Variants in NAV3 observed in about 807,000 individuals in gnomAD.
NAV3 encodes pore membrane and/or filament interacting like protein 1.
NAV3 carries 87 observed loss-of-function variants against 244.7 expected under a neutral mutation model. The ratio of observed to expected loss-of-function variants is 0.36; its 90% CI spans 0.30 to 0.42. The LOEUF is 0.42. Ranked by LOEUF, NAV3 falls within the 20% of genes least tolerant of loss-of-function variation. The probability of loss-of-function intolerance (pLI) is 1.00; values close to 1 mark genes in which losing one functional copy is unlikely to be tolerated. For missense variants in NAV3, 2,663 were observed against 2,893.3 expected, an observed-to-expected ratio of 0.92 and a Z score of 1.83; for synonymous variants, 1,126 against 1,042.2, an observed-to-expected ratio of 1.08 and a Z score of -1.55.
intron 27 of NAV3, 98 bp from the exon 28 acceptor site, chr12:78,177,522 G>A (rs910145341): frequency 2.5e-6 from 3 of 1,217,824 alleles, no homozygotes; most frequent in Non-Finnish European, 2.3e-6. Context: ...TAGAATTCAA[G>A]TGTTTCTTGA....
chr12:77,866,785 A>G (rs1260353368), intron 1 of NAV3, among the ~76,000 whole-genome samples: 1 of 152,240 alleles, frequency 6.6e-6, no homozygotes, highest in East Asian at 1.9e-4. Context: ...TTATCATCCA[A>G]TCAAAGCTTA....
intron 2 of NAV3, among the ~76,000 whole-genome samples, chr12:77,823,643 T>A (rs1342272996): frequency 6.6e-6 from 1 of 152,226 alleles, no homozygotes; most frequent in Non-Finnish European, 1.5e-5. Context: ...CTTAACTATG[T>A]GCCATTACAA....
chr12:77,923,722 C>T (rs1321361129), intron 1 of NAV3, among the ~76,000 whole-genome samples: 1 of 151,974 alleles, frequency 6.6e-6, no homozygotes, highest in African/African-American at 2.4e-5. Flanking sequence ...GGAAACTTGA[C>T]CAACAAATGC....
At chr12:77,575,312 T>C (rs1220064862) in intron 2 of NAV3, among the ~76,000 whole-genome samples, 2 of 152,040 alleles carry the variant, frequency 1.3e-5, no homozygotes, top group African/African-American at 2.4e-5. Context: ...TTGAAGAAAA[T>C]ACTTTTAAGG....
Position 78,149,056 on chromosome 12 carries a change from A to G in NAV3, c.4785+137A>G, listed in dbSNP as rs566837325. The G allele has an allele frequency of 4.2e-5, 30 of 717,184 alleles. No homozygotes were observed. The South Asian group carries it at 5.7e-4, about 14-fold the overall frequency. 44.4% of individuals were successfully genotyped at this position (717,184 alleles called of 1,614,324 possible). On this transcript the variant is annotated intron_variant, in intron 22 of 39. Coordinates refer to ENST00000397909, the MANE Select transcript of NAV3 (RefSeq NM_001024383.2). ...CAACTAGCAGGACTCATAAAAAGTT[A>G]ACATTTTTTGCCTACTCAGTAATAA...
chr12:77,629,530 T>C (rs767157864), intron 2 of NAV3, among the ~76,000 whole-genome samples: 1 of 152,196 alleles, frequency 6.6e-6, no homozygotes, highest in African/African-American at 2.4e-5. Flanking sequence ...GTAATATAGC[T>C]CTTTTCTATC....
chr12:77,711,277 C>A (rs955430478), intron 2 of NAV3, among the ~76,000 whole-genome samples: 1 of 152,166 alleles, frequency 6.6e-6, no homozygotes, highest in Non-Finnish European at 1.5e-5. Context: ...TGTGGCCTAA[C>A]CCCACATTTG....
At chr12:77,575,334 AC>A (rs1037792742) in intron 2 of NAV3, among the ~76,000 whole-genome samples, 5 of 152,138 alleles carry the variant, frequency 3.3e-5, no homozygotes, top group Non-Finnish European at 4.4e-5. Flanking sequence ...TCTCAAGTCA[AC>A]TTGGATTAGT....
At chr12:77,879,689 A>AAAAAG (rs1882375075) in intron 1 of NAV3, among the ~76,000 whole-genome samples, 1 of 67,828 alleles carries the variant, frequency 1.5e-5, no homozygotes. Context: ...CCATCTCAAA[A>AAAAAG]AAAAAAAAAA....
At chr12:77,771,168 C>T (rs1870063877) in intron 2 of NAV3, among the ~76,000 whole-genome samples, 1 of 152,188 alleles carries the variant, frequency 6.6e-6, no homozygotes, top group Admixed American at 6.5e-5. Context: ...AAAAAATGCT[C>T]ATCATCACTA....
At chr12:77,675,067 A>G (rs1466609032) in intron 2 of NAV3, among the ~76,000 whole-genome samples, 1 of 152,218 alleles carries the variant, frequency 6.6e-6, no homozygotes, top group Non-Finnish European at 1.5e-5. Context: ...TCAGGCAAAG[A>G]CAGGGACCAT....
At chr12:78,196,428 T>G (rs1330150834) in intron 34 of NAV3, among the ~76,000 whole-genome samples, 1 of 152,006 alleles carries the variant, frequency 6.6e-6, no homozygotes, top group African/African-American at 2.4e-5. Context: ...TGGAATTGTT[T>G]TATAACCCTG....
intron 2 of NAV3, among the ~76,000 whole-genome samples, chr12:77,577,059 C>T (rs1413144757): frequency 6.6e-6 from 1 of 152,084 alleles, no homozygotes; most frequent in Admixed American, 6.6e-5. Flanking sequence ...ATTTTTGAAA[C>T]ATAGCCATTT....
intron 1 of NAV3, among the ~76,000 whole-genome samples, chr12:77,904,540 G>C (rs1335538384): frequency 6.6e-6 from 1 of 152,136 alleles, no homozygotes; most frequent in Non-Finnish European, 1.5e-5. Flanking sequence ...TATACCTAAT[G>C]CTAAATGACG....
At chr12:78,004,712 G>T (rs1873898143) in intron 7 of NAV3, among the ~76,000 whole-genome samples, 1 of 152,172 alleles carries the variant, frequency 6.6e-6, no homozygotes, top group South Asian at 2.1e-4. Context: ...TTATTCCAGT[G>T]CCTTCCTGAT....
At chr12:78,191,820 T>C (rs17044975) in intron 34 of NAV3, among the ~76,000 whole-genome samples, 7,759 of 152,242 alleles carry the variant, frequency 0.051, 332 homozygotes, top group African/African-American at 0.11. Flanking sequence ...GAAAGGCCTC[T>C]TAGTCATCCT....
chr12:77,688,304 C>T lies in NAV3; in HGVS notation c.72+116038C>T, dbSNP rs560301602. ...GGACACAGACACTTCAAAAAGACTA[C>T]CCCTGACCCCCTAGATTAGGTTAGA... On this transcript the variant is annotated intron_variant, in intron 2 of 8. Transcript: ENST00000550042. 2.0e-5 allele frequency among the ~76,000 whole-genome samples: 3 copies of T among 152,074 alleles called. No individual in the cohort carries two copies. In the South Asian group the frequency reaches 6.2e-4, roughly 32 times the overall value.
intron 12 of NAV3, among the ~76,000 whole-genome samples, chr12:78,109,667 G>A (rs1445858591): frequency 6.6e-6 from 1 of 151,842 alleles, no homozygotes; most frequent in Non-Finnish European, 1.5e-5. Flanking sequence ...AACATGATAA[G>A]CATCTTCACA....
chr12:77,701,392 T>C (rs1029168940), intron 2 of NAV3, among the ~76,000 whole-genome samples: 17 of 151,948 alleles, frequency 1.1e-4, no homozygotes, highest in South Asian at 2.1e-4. Context: ...GTGTTTCTTC[T>C]TTTATTCCTG....
Sources: gnomAD v4.1 joint callset for allele counts (sites outside exome capture counted in the v4.1 genomes callset) on GRCh38, gnomAD v4.1.1 for gene constraint, MANE v1.5 for transcripts, NCBI Gene and HGNC (gene_info 2026-07-23, HGNC 2026-07-21) for gene names.